Variants in CACNA1B observed in about 807,000 individuals in gnomAD.
The protein encoded by CACNA1B is calcium voltage-gated channel subunit alpha1 B.
A neutral mutation model predicts 247.2 loss-of-function variants in CACNA1B; 70 were observed. The ratio of observed to expected loss-of-function variants is 0.28; its 90% confidence interval spans 0.23 to 0.35. The LOEUF (loss-of-function observed/expected upper bound fraction) is 0.35, where lower values mean the gene tolerates loss of function less well. Among genes scored for constraint, CACNA1B ranks in the 10% least tolerant of loss-of-function variants. CACNA1B has a pLI of 1.00. For synonymous variants in CACNA1B, 1,231 were observed against 1,294.4 expected (o/e 0.95, Z 1.05); for missense variants, 2,367 against 3,197.4 (o/e 0.74, Z 6.26).
chr9:138,016,493 C>T (rs749958810), intron 18 of CACNA1B, among the ~76,000 whole-genome samples: 45 of 152,338 alleles, frequency 3.0e-4, no homozygotes, highest in East Asian at 5.8e-4. Flanking sequence ...GGCCCAGAGG[C>T]GCCTGGGTTG....
chr9:138,115,770 G>T (rs1961832863), intron 42 of CACNA1B, 91 bp downstream of exon 42: 2 of 1,355,954 alleles, frequency 1.5e-6, no homozygotes, highest in East Asian at 4.8e-5. Context: ...CAACCTCCCT[G>T]GCCCTCACTT....
rs1333314002 is a variant in CACNA1B at position 138,123,285 on chromosome 9, GCCGGGCACCTGATGC to G, written c.*1289_*1303del. ...GGAGGACACGGCTCCTGCCACTGAG[GCCGGGCACCTGATGC>G]CCAGCACTGTCCTGGCGCCAGACAC... is the stretch of plus-strand genomic sequence containing the variant. On this transcript the variant is annotated 3_prime_UTR_variant, in exon 47 of 47. Transcript: ENST00000371372. 1 of 152,268 alleles carries G rather than the reference GCCGGGCACCTGATGC, an allele frequency of 6.6e-6. No homozygotes were observed. The highest frequency in any genetic ancestry group is 2.4e-5 in the African/African-American group (1 of 41,464). The allele number at this position is 152,268 out of a possible 1,614,324, so 9.4% of individuals were successfully genotyped here.
At chr9:137,961,297 G>C (rs1958018778) in intron 10 of CACNA1B, among the ~76,000 whole-genome samples, 1 of 151,992 alleles carries the variant, frequency 6.6e-6, no homozygotes, top group Non-Finnish European at 1.5e-5. Flanking sequence ...AATATTTTGG[G>C]CTCAGATGAT....
chr9:138,060,990 C>G (rs964733365), intron 31 of CACNA1B, among the ~76,000 whole-genome samples: 7 of 152,210 alleles, frequency 4.6e-5, no homozygotes, highest in Non-Finnish European at 1.0e-4. Flanking sequence ...GTGGGATGAC[C>G]CAGACCCTCA....
At chr9:137,966,978 TAAA>T (rs10710861) in intron 10 of CACNA1B, among the ~76,000 whole-genome samples, 49 of 147,890 alleles carry the variant, frequency 3.3e-4, no homozygotes, top group South Asian at 8.6e-4. Flanking sequence ...TTTTTTTTTT[TAAA>T]AAAAAAACCC....
rs781508119 is a variant in CACNA1B, at chr9:138,058,624, A to C, written c.4364A>C (p.Gln1455Pro). 1.2e-6 allele frequency: 2 copies of C among 1,613,888 alleles called. No homozygotes were observed. The highest frequency in any genetic ancestry group is 2.2e-5 in the South Asian group (2 of 91,058). The change falls in exon 29 of 47, where the codon CAA becomes CCA. Residue 1455 changes from glutamine to proline, a missense_variant. Transcript: ENST00000371372. The surrounding 1 kb of genome is among the most constrained non-coding windows in gnomAD (Gnocchi z 4.7). ...AAACCCCTGACACGGTACATGCCCC[A>C]AAACCGGCAGTCGTTCCAGTATAAG... is the stretch of plus-strand genomic sequence containing the variant. ...SAKPLTRYMP[Q>P]NRQSFQYKTW... is the part of the protein sequence containing the mutation.
chr9:137,896,295 A>G (rs1018029285), intron 3 of CACNA1B, among the ~76,000 whole-genome samples: 9 of 151,810 alleles, frequency 5.9e-5, no homozygotes, highest in Non-Finnish European at 1.3e-4. Flanking sequence ...CTCTTTATTA[A>G]GTTGAGGCAG....
intron 6 of CACNA1B, among the ~76,000 whole-genome samples, chr9:137,929,730 G>A (rs1199515076): frequency 1.3e-5 from 2 of 152,080 alleles, no homozygotes; most frequent in Non-Finnish European, 2.9e-5. Context: ...ATAGCTCACT[G>A]TAGCCTCAAT....
rs368848718 is a variant in CACNA1B, at chr9:138,012,726, A to G, written c.2161-403A>G. 6.6e-6 allele frequency among the ~76,000 whole-genome samples: 1 copy of G among 151,932 alleles called. No homozygotes were observed. The highest frequency in any genetic ancestry group is 1.5e-5 in the Non-Finnish European group (1 of 67,964). ...GAGACCCTGTCTCTAAAAAAAAAAA[A>G]AACAAATAACAAAAAACAAAACAAA... is the stretch of plus-strand genomic sequence containing the variant. On this transcript the variant is annotated intron_variant, in intron 17 of 46. Coordinates refer to ENST00000371372, the MANE Select transcript of CACNA1B (RefSeq NM_000718.4). The surrounding 1 kb of genome is among the most constrained non-coding windows in gnomAD (Gnocchi z 4.2).
intron 15 of CACNA1B, among the ~76,000 whole-genome samples, chr9:138,005,814 T>C (rs145735698): frequency 0.052 from 7,877 of 151,860 alleles, 291 homozygotes; most frequent in South Asian, 0.097. Context: ...GAGGCCGAGG[T>C]GGGCGGATCA....
chr9:138,039,579 C>CT (rs553631339), intron 20 of CACNA1B, among the ~76,000 whole-genome samples: 1 of 152,032 alleles, frequency 6.6e-6, no homozygotes, highest in Non-Finnish European at 1.5e-5. Flanking sequence ...ATTCTTTAGT[C>CT]TTTTTTTCAG....
chr9:137,888,705 G>C lies in CACNA1B; in HGVS notation c.530+5822G>C, dbSNP rs1310340219. ...TGTGGGTGTGTGGCCGCTGCACCAG[G>C]AGGGAGTCTGGTCAGCGGAGCTCAG... On this transcript the variant is annotated intron_variant, in intron 3 of 46. Coordinates refer to ENST00000371372, the MANE Select transcript of CACNA1B (RefSeq NM_000718.4). This position sits in a 1 kb window ranked among gnomAD's most constrained non-coding sequence, Gnocchi z 4.7. Among the ~76,000 whole-genome samples the C allele has an allele frequency of 6.6e-6, 1 of 152,234 alleles. No individual in the cohort carries two copies. Among genetic ancestry groups the C allele is most frequent in the African/African-American group, 2.4e-5 (1 of 41,468 alleles).
At chr9:138,095,816 C>T (rs1323846174) in intron 36 of CACNA1B, among the ~76,000 whole-genome samples, 1 of 152,076 alleles carries the variant, frequency 6.6e-6, no homozygotes, top group Admixed American at 6.6e-5. Flanking sequence ...TATGGATGAA[C>T]CTTGAAAACA....
chr9:138,119,763 T>A (rs1285780090), intron 44 of CACNA1B, among the ~76,000 whole-genome samples: 1 of 151,792 alleles, frequency 6.6e-6, no homozygotes, highest in Non-Finnish European at 1.5e-5. Context: ...CGGCTGTGGG[T>A]GAGTTTACCT....
Position 138,057,922 on chromosome 9 carries a change from C to A in CACNA1B, c.4106+53C>A. On this transcript the variant is annotated intron_variant, in intron 27 of 46. Coordinates refer to ENST00000371372, the MANE Select transcript of CACNA1B (RefSeq NM_000718.4). This position sits in a 1 kb window ranked among gnomAD's most constrained non-coding sequence, Gnocchi z 4.0. Reference sequence around the variant, plus strand: ...TGGGGCAGGCAGCCCCTGAGCTCGGCCTCCCTTCCTCCCTCTATCCCTGGG... The same window carrying A: ...TGGGGCAGGCAGCCCCTGAGCTCGGACTCCCTTCCTCCCTCTATCCCTGGG... 1 of 1,577,044 alleles carries A rather than the reference C, an allele frequency of 6.3e-7. No homozygotes were observed. The highest frequency in any genetic ancestry group is 8.7e-7 in the Non-Finnish European group (1 of 1,152,914).
chr9:138,112,927 A>G lies in CACNA1B; in HGVS notation c.5536+422A>G, dbSNP rs117862804. ...TCTTGCGGGAGACGTGAGGGAGCAC[A>G]GGGAAGTGCCCAACTCCATCTTGGA... On this transcript the variant is annotated intron_variant, in intron 40 of 46. Transcript: ENST00000371372. Among the ~76,000 whole-genome samples, 415 of 117,482 alleles carry G rather than the reference A, an allele frequency of 3.5e-3. 4 individuals carry two copies. In the East Asian group the frequency reaches 0.047, roughly 13 times the overall value. 77.1% of individuals were successfully genotyped at this position (117,482 alleles called of 152,430 possible).
Position 138,123,504 on chromosome 9 carries a change from T to A in CACNA1B, c.*1505T>A, listed in dbSNP as rs1221269887. 1 of 152,332 alleles carries A rather than the reference T, an allele frequency of 6.6e-6. No individual in the cohort carries two copies. Among genetic ancestry groups the A allele is most frequent in the African/African-American group, 2.4e-5 (1 of 41,414 alleles). 9.4% of individuals were successfully genotyped at this position (152,332 alleles called of 1,614,324 possible). Reference sequence around the variant, plus strand: ...CTCCGTGTTCTGAAATTCCAGATGATCTGTGTTGGATTCTTGGCTTCTACC... The same window carrying A: ...CTCCGTGTTCTGAAATTCCAGATGAACTGTGTTGGATTCTTGGCTTCTACC... On this transcript the variant is annotated 3_prime_UTR_variant, in exon 47 of 47. Transcript: ENST00000371372.
At chr9:137,909,864 G>A (rs569005221) in intron 3 of CACNA1B, among the ~76,000 whole-genome samples, 1 of 151,982 alleles carries the variant, frequency 6.6e-6, no homozygotes, top group East Asian at 1.9e-4. Context: ...TCCACCTCTC[G>A]GGTTCAAGTG....
chr9:137,950,847 A>G lies in CACNA1B; in HGVS notation c.967-1427A>G, dbSNP rs1047668153. On this transcript the variant is annotated intron_variant, in intron 6 of 46. Transcript: ENST00000371372. This position sits in a 1 kb window ranked among gnomAD's most constrained non-coding sequence, Gnocchi z 4.8. ...GAGTCATTCTATATTTGCTTTATGA[A>G]TAATTTTCAGTATGTTAATTCCACC... Among the ~76,000 whole-genome samples the G allele has an allele frequency of 3.3e-5, 5 of 152,180 alleles. No individual in the cohort carries two copies. Among genetic ancestry groups the G allele is most frequent in the Non-Finnish European group, 5.9e-5 (4 of 68,026 alleles).
Sources: gnomAD v4.1 joint callset for allele counts (sites outside exome capture counted in the v4.1 genomes callset) on GRCh38, gnomAD v4.1.1 for gene constraint, Gnocchi (gnomAD v3.1) non-coding constraint, MANE v1.5 for transcripts, NCBI Gene and HGNC (gene_info 2026-07-23, HGNC 2026-07-21) for gene names.